The following CSRP2 variants were observed in gnomAD, a reference collection of about 807,000 sequenced individuals.
CSRP2 encodes cysteine and glycine rich protein 2, also known as cysteine and glycine-rich protein 2.
In CSRP2, 18 loss-of-function variants were observed where a neutral mutation model predicts 24.6. The observed-to-expected ratio is 0.73, with a 90% CI of 0.51 to 1.09. CSRP2 has a LOEUF of 1.09. Among genes scored for constraint, CSRP2 ranks in the 50% least tolerant of loss-of-function variants. The probability of loss-of-function intolerance (pLI) is 0.00; values close to 1 mark genes in which losing one functional copy is unlikely to be tolerated. For missense variants in CSRP2, 215 were observed against 239.4 expected (o/e 0.90, Z 0.67); for synonymous variants, 87 against 84.3 (o/e 1.03, Z -0.18).
chr12:76,872,691 G>A (rs763471744), intron 1 of CSRP2, among the ~76,000 whole-genome samples: 5 of 152,172 alleles, frequency 3.3e-5, no homozygotes, highest in Non-Finnish European at 7.4e-5. Flanking sequence ...ATCAGACATC[G>A]CCTCCTCCAG....
intron 1 of CSRP2, among the ~76,000 whole-genome samples, chr12:76,875,927 A>T (rs1953847960): frequency 2.6e-5 from 4 of 152,234 alleles, no homozygotes. Context: ...ACCAAAATAA[A>T]ATTATCAATT....
intron 1 of CSRP2, among the ~76,000 whole-genome samples, chr12:76,867,175 T>C (rs531765682): frequency 6.8e-4 from 103 of 152,080 alleles, no homozygotes; most frequent in African/African-American, 2.4e-3. Flanking sequence ...AACAAATTAG[T>C]CTGCCTCGAC....
chr12:76,872,607 G>T (rs745934366), intron 1 of CSRP2, among the ~76,000 whole-genome samples: 1 of 152,200 alleles, frequency 6.6e-6, no homozygotes, highest in South Asian at 2.1e-4. Flanking sequence ...AAAAGCTAGG[G>T]TGTGAGGGCC....
chr12:76,869,892 C>G (rs1953780009), intron 1 of CSRP2, among the ~76,000 whole-genome samples: 1 of 152,208 alleles, frequency 6.6e-6, no homozygotes, highest in South Asian at 2.1e-4. Flanking sequence ...TGCACTGACC[C>G]GTGTTTGTAG....
At chr12:76,861,365 T>C (rs1487390480) in intron 3 of CSRP2, 1 of 50,942 alleles carries the variant, frequency 2.0e-5, no homozygotes, top group African/African-American at 5.1e-5. Context: ...TATATATATA[T>C]ATTTTTTTTT....
intron 3 of CSRP2, chr12:76,861,025 T>C (rs1313302645): frequency 6.6e-6 from 1 of 152,216 alleles, no homozygotes; most frequent in Non-Finnish European, 1.5e-5. Context: ...CTTTCATTTT[T>C]CTCTGGTAAG....
chr12:76,862,476 G>A (rs564374163), intron 3 of CSRP2: 2 of 168,968 alleles, frequency 1.2e-5, no homozygotes, highest in South Asian at 3.3e-4. Flanking sequence ...GGGAGGCAGA[G>A]GTTGCAGTGA....
At chr12:76,859,451 CTT>C in intron 5 of CSRP2, 94 bp downstream of exon 5, 1 of 742,282 alleles carries the variant, frequency 1.3e-6, no homozygotes, top group Non-Finnish European at 2.1e-6. Context: ...TAGTGGCATA[CTT>C]TTCTTTTTTT....
At chr12:76,871,541 C>T (rs111795286) in intron 1 of CSRP2, among the ~76,000 whole-genome samples, 3,516 of 152,214 alleles carry the variant, frequency 0.023, 49 homozygotes, top group Non-Finnish European at 0.027. Context: ...GAGGCCAAGG[C>T]GGGCAGATCA....
At chr12:76,865,185 G>A (rs1391932906) in intron 2 of CSRP2, among the ~76,000 whole-genome samples, 1 of 152,206 alleles carries the variant, frequency 6.6e-6, no homozygotes, top group African/African-American at 2.4e-5. Context: ...CTATGGTGTA[G>A]ACATTGTGGC....
intron 1 of CSRP2, among the ~76,000 whole-genome samples, chr12:76,867,094 G>A (rs1328671361): frequency 1.3e-5 from 2 of 152,138 alleles, no homozygotes; most frequent in African/African-American, 4.8e-5. Flanking sequence ...GCTGTAAAGG[G>A]CAAGCTGGAA....
chr12:76,862,727 ATT>A, intron 3 of CSRP2: 1 of 1,314,000 alleles, frequency 7.6e-7, no homozygotes, highest in African/African-American at 1.5e-5. Context: ...TAAGTAAAAA[ATT>A]TTAAGTTAGA....
intron 3 of CSRP2, chr12:76,862,306 C>T (rs1420980530): frequency 6.6e-6 from 1 of 152,050 alleles, no homozygotes; most frequent in Non-Finnish European, 1.5e-5. Flanking sequence ...TTTGGGAGGC[C>T]GAGATAAGTA....
intron 5 of CSRP2, 189 bp downstream of exon 5, chr12:76,859,357 TG>T: frequency 1.7e-6 from 1 of 600,094 alleles, no homozygotes; most frequent in Non-Finnish European, 3.0e-6. Flanking sequence ...TGTTTTTATC[TG>T]GTGGGGAGTT....
At chr12:76,874,533 C>T (rs560895774) in intron 1 of CSRP2, among the ~76,000 whole-genome samples, 3 of 152,164 alleles carry the variant, frequency 2.0e-5, no homozygotes, top group East Asian at 3.9e-4. Context: ...CACAAATGGG[C>T]GGGCTTCCTT....
chr12:76,860,959 TTTC>T (rs1003112986), intron 3 of CSRP2: 1 of 152,242 alleles, frequency 6.6e-6, no homozygotes, highest in African/African-American at 2.4e-5. Context: ...AATAGCCAAC[TTTC>T]TTCATGGAAA....
At chr12:76,860,478 C>T (rs1953664854) in intron 3 of CSRP2, 65 bp from the exon 4 acceptor site, 1 of 1,577,458 alleles carries the variant, frequency 6.3e-7, no homozygotes, top group Non-Finnish European at 8.6e-7. Context: ...GTACACAAGG[C>T]AGGAACAATA....
intron 1 of CSRP2, 45 bp downstream of exon 1, chr12:76,878,893 C>G (rs1452582603): frequency 6.6e-6 from 1 of 152,212 alleles, no homozygotes; most frequent in Admixed American, 6.5e-5. Context: ...AACTCCCGCC[C>G]CGGGGTTGGC....
At chr12:76,866,398 T>C in intron 1 of CSRP2, 137 bp from the exon 2 acceptor site, 1 of 597,176 alleles carries the variant, frequency 1.7e-6, no homozygotes, top group Non-Finnish European at 3.0e-6. Flanking sequence ...AAGGCCTGCG[T>C]TCCTCCAAAA....
Sources: allele counts gnomAD v4.1 joint callset (sites outside exome capture counted in the v4.1 genomes callset), GRCh38; gene constraint gnomAD v4.1.1; transcripts MANE v1.5; gene names NCBI Gene and HGNC (gene_info 2026-07-23, HGNC 2026-07-21).